The following SPSB3 variants were observed in gnomAD, a reference collection of about 807,000 sequenced individuals.
The protein encoded by SPSB3 is SPRY domain-containing SOCS box protein 3.
In SPSB3, 18 loss-of-function variants were observed where a neutral mutation model predicts 29.5. That is an observed-to-expected ratio of 0.61 (90% CI 0.42 to 0.91). The LOEUF (loss-of-function observed/expected upper bound fraction) is 0.91. Among genes scored for constraint, SPSB3 ranks in the 40% least tolerant of loss-of-function variants. The pLI is 0.00. For synonymous variants in SPSB3, 299 were observed against 214.1 expected (o/e 1.40, Z -3.46); for missense variants, 540 against 507.5 (o/e 1.06, Z -0.61).
rs1295121506 is a variant in SPSB3, at chr16:1,778,522, AGTCACAGAAGGACTCGCCG to A, written c.198_216del (p.Gly67ValfsTer38). ...AAGGAGGCCTCGCTCTGCCCAGCAC[AGTCACAGAAGGACTCGCCG>A]GTCACGGGCACCGCACTGGGGATGG... On this transcript the variant is annotated frameshift_variant, in exon 3 of 7. Transcript: ENST00000566339. LOFTEE classifies it high-confidence loss of function. The A allele has an allele frequency of 1.2e-6, 2 of 1,611,194 alleles. No homozygotes were observed. The highest frequency in any genetic ancestry group is 1.7e-6 in the Non-Finnish European group (2 of 1,178,874).
At position 1,776,978 on chromosome 16, in the gene SPSB3, T is replaced by C; in HGVS notation, c.*119A>G. 1 of 1,190,088 alleles carries C rather than the reference T, an allele frequency of 8.4e-7. No homozygotes were observed. 73.7% of individuals were successfully genotyped at this position (1,190,088 alleles called of 1,614,324 possible). On this transcript the variant is annotated 3_prime_UTR_variant, in exon 7 of 7. Transcript: ENST00000566339. ...GCCTCGGGAGCAAGAGATGGCTCCC[T>C]CCGGACGGGCCTCATCCAACTCCGC...
chr16:1,781,410 C>G lies in SPSB3; in HGVS notation c.74G>C (p.Arg25Pro). ...LSAARRDADA[R>P]AVALAGSTNW... ...AGTGGAGCCTGCTAGAGCCACGGCC[C>G]GGGCATCTGCGTCTCGGCGGGCTGC... The change falls in exon 2 of 7, where the codon CGG becomes CCG. Residue 25 changes from arginine to proline, a missense_variant. Coordinates refer to ENST00000566339, the MANE Select transcript of SPSB3 (RefSeq NM_080861.4). The G allele has an allele frequency of 1.9e-6, 3 of 1,612,840 alleles. No homozygotes were observed. The highest frequency in any genetic ancestry group is 2.5e-6 in the Non-Finnish European group (3 of 1,179,990).
At chr16:1,779,512 G>A (rs982711528) in intron 2 of SPSB3, 1 of 152,356 alleles carries the variant, frequency 6.6e-6, no homozygotes, top group Non-Finnish European at 1.5e-5. Context: ...TCGAAAGCCA[G>A]CTTCAGGGCA....
In SPSB3 at chr16:1,777,198, G is replaced by C; in HGVS notation, c.967C>G (p.Arg323Gly). Reference sequence around the variant, plus strand: ...GGATCGGACACTGGAGCCTTGCGGCGGCTGCAACTCATGCTCAGGACCCAG... The same window carrying C: ...GGATCGGACACTGGAGCCTTGCGGCCGCTGCAACTCATGCTCAGGACCCAG... ...LGWVLSMSCSRRKAPVSDPQA... is the reference protein window; with the variant it reads ...LGWVLSMSCSGRKAPVSDPQA... Residue 323 changes from arginine to glycine, a missense_variant, in exon 7 of 7, where the codon CGC becomes GGC. Transcript: ENST00000566339. 1.9e-6 allele frequency: 3 copies of C among 1,610,482 alleles called. No individual in the cohort carries two copies. The highest frequency in any genetic ancestry group is 1.7e-6 in the Non-Finnish European group (2 of 1,179,830).
chr16:1,776,908 C>G lies in SPSB3; in HGVS notation c.*189G>C. 1 of 673,048 alleles carries G rather than the reference C, an allele frequency of 1.5e-6. No homozygotes were observed. The highest frequency in any genetic ancestry group is 2.5e-6 in the Non-Finnish European group (1 of 408,116). The allele number at this position is 673,048 out of a possible 1,614,324, so 41.7% of individuals were successfully genotyped here. ...AGGGCAGCCGCTTCCCCACCCAGCA[C>G]AGCAGCAGAGGGGCCCTAGAGCCCC... On this transcript the variant is annotated 3_prime_UTR_variant, in exon 7 of 7. Coordinates refer to ENST00000566339, the MANE Select transcript of SPSB3 (RefSeq NM_080861.4).
In SPSB3 at chr16:1,777,121, C is replaced by G. The variant is rs560452511; in HGVS notation, c.1044G>C (p.Gln348His). The change falls in exon 7 of 7, where the codon CAG (glutamine) becomes CAC (histidine). Residue 348 changes from glutamine (Q) to histidine (H), a missense_variant. Gln to His is a conservative substitution (Grantham distance 24, BLOSUM62 0). Coordinates refer to ENST00000566339, the MANE Select transcript of SPSB3 (RefSeq NM_080861.4). The part of the protein sequence containing the change: ...HPSSREPRPC[Q>H]RKRCRRT ...GTCAGGTCCGGCGGCAGCGCTTCCT[C>G]TGGCAGGGCCGAGGCTCGCGACTGC... 2 of 1,611,622 alleles carry G rather than the reference C, an allele frequency of 1.2e-6. No individual in the cohort carries two copies. The highest frequency in any genetic ancestry group is 2.2e-5 in the East Asian group (1 of 44,872).
intron 2 of SPSB3, chr16:1,781,095 TG>T: frequency 7.6e-7 from 1 of 1,321,684 alleles, no homozygotes; most frequent in Non-Finnish European, 1.0e-6. Flanking sequence ...ATGCACCATG[TG>T]TTTCAGAGGA....
In SPSB3 at chr16:1,777,403, C is replaced by G; in HGVS notation, c.762G>C (p.Pro254=). Residue 254 remains proline (P), a synonymous_variant, in exon 7 of 7, where the codon CCG becomes CCC. Transcript: ENST00000566339. ...ATKLQNKRFY[P]MVCSTAARSS... is the part of the protein sequence containing the mutation. ...TCCGGGCCGCCGTGGAGCACACCAT[C>G]GGGTAGAATCTCTTGTTCTGCAGCT... 1 of 1,573,710 alleles carries G rather than the reference C, an allele frequency of 6.4e-7. No homozygotes were observed. The highest frequency in any genetic ancestry group is 8.6e-7 in the Non-Finnish European group (1 of 1,162,128).
Position 1,781,472 on chromosome 16 carries a change from G to C in SPSB3, c.12C>G (p.Arg4=). Residue 4 remains arginine (R), a synonymous_variant, in exon 2 of 7, where the codon CGC becomes CGG. Coordinates refer to ENST00000566339, the MANE Select transcript of SPSB3 (RefSeq NM_080861.4). MAR[R]PRNSRAWHFV... is the part of the protein sequence containing the mutation. ...AGTGCCAGGCCCTGCTGTTCCGGGGGCGTCTGGCCATGGTGGAAAGAATCT... is the reference window on the plus strand; with the variant it reads ...AGTGCCAGGCCCTGCTGTTCCGGGGCCGTCTGGCCATGGTGGAAAGAATCT... 6.2e-7 allele frequency: 1 copy of C among 1,612,518 alleles called. No individual in the cohort carries two copies. The highest frequency in any genetic ancestry group is 8.5e-7 in the Non-Finnish European group (1 of 1,179,864).
At position 1,777,784 on chromosome 16, in the gene SPSB3, G is replaced by A. The variant is rs778523436; in HGVS notation, c.684C>T (p.His228=). ...SIIGVHLDTW[H]GTLTFFKNRK... ...TGTTCTTGAAAAAGGTGAGTGTGCC[G>A]TGCCAGGTGTCCAGGTGCACGCCAA... is the stretch of plus-strand genomic sequence containing the variant. Residue 228 remains histidine, a synonymous_variant, in exon 6 of 7, where the codon CAC becomes CAT. Transcript: ENST00000566339. The A allele has an allele frequency of 4.4e-5, 71 of 1,612,686 alleles. No individual in the cohort carries two copies. In the Admixed American group the frequency reaches 8.0e-4, roughly 18 times the overall value.
intron 2 of SPSB3, chr16:1,781,111 G>A (rs1896690287): frequency 1.4e-6 from 2 of 1,411,114 alleles, no homozygotes; most frequent in Admixed American, 2.1e-5. Flanking sequence ...AGAGGAGAAA[G>A]CACAGTGAAG....
Position 1,776,819 on chromosome 16 carries a change from G to T in SPSB3, c.*278C>A. 1.9e-6 allele frequency: 1 copy of T among 515,904 alleles called. No individual in the cohort carries two copies. The highest frequency in any genetic ancestry group is 3.4e-6 in the Non-Finnish European group (1 of 291,260). 32.0% of individuals were successfully genotyped at this position (515,904 alleles called of 1,614,324 possible). On this transcript the variant is annotated 3_prime_UTR_variant, in exon 7 of 7. Coordinates refer to ENST00000566339, the MANE Select transcript of SPSB3 (RefSeq NM_080861.4). ...AGTTAGGAAAAACCGAGGCCCTGTG[G>T]GAACAGCAACGCGGGCTCCAGCCAG... is the stretch of plus-strand genomic sequence containing the variant.
chr16:1,777,930 C>T lies in SPSB3; in HGVS notation c.595+16G>A. Reference sequence around the variant, plus strand: ...AGCTCCAGGCTCGGCCCCGCCCCACCCTGGGCCTCACGCACCCGTGTAGGA... The same window carrying T: ...AGCTCCAGGCTCGGCCCCGCCCCACTCTGGGCCTCACGCACCCGTGTAGGA... On this transcript the variant is annotated intron_variant, in intron 5 of 6. Transcript: ENST00000566339. 1 of 1,612,474 alleles carries T rather than the reference C, an allele frequency of 6.2e-7. No homozygotes were observed. Among genetic ancestry groups the T allele is most frequent in the Non-Finnish European group, 8.5e-7 (1 of 1,179,860 alleles).
In SPSB3 at chr16:1,778,490, G is replaced by A; in HGVS notation, c.249C>T (p.Ser83=). ...CAGQSEASFC[S]SLHSAHRGRD... is the part of the protein sequence containing the mutation. ...TGCCCCGGTGGGCCGAGTGCAGGCTGCTACAGAAGGAGGCCTCGCTCTGCC... is the reference window on the plus strand; with the variant it reads ...TGCCCCGGTGGGCCGAGTGCAGGCTACTACAGAAGGAGGCCTCGCTCTGCC... The change falls in exon 3 of 7, where the codon AGC becomes AGT. Residue 83 remains serine (S), a synonymous_variant. Coordinates refer to ENST00000566339, the MANE Select transcript of SPSB3 (RefSeq NM_080861.4). The A allele has an allele frequency of 1.2e-6, 2 of 1,611,916 alleles. No homozygotes were observed. Among genetic ancestry groups the A allele is most frequent in the Non-Finnish European group, 1.7e-6 (2 of 1,179,586 alleles).
rs1255245686 is a variant in SPSB3 at position 1,777,295 on chromosome 16, T to C, written c.870A>G (p.Pro290=). The C allele has an allele frequency of 1.1e-5, 18 of 1,610,036 alleles. No homozygotes were observed. Among genetic ancestry groups the C allele is most frequent in the Non-Finnish European group, 1.4e-5 (16 of 1,179,772 alleles). The stretch of plus-strand genomic sequence containing the variant: ...GACCCTCCAGCGTGTCTCCCGAGTC[T>C]GGCCGCAGCTGGCGCAGGCGGTGGC... ...LCCHRLRQLR[P]DSGDTLEGLP... is the part of the protein sequence containing the mutation. Residue 290 remains proline (P), a synonymous_variant, in exon 7 of 7, where the codon CCA becomes CCG. Transcript: ENST00000566339.
chr16:1,780,199 C>G (rs1896665024), intron 2 of SPSB3: 1 of 152,306 alleles, frequency 6.6e-6, no homozygotes, highest in Non-Finnish European at 1.5e-5. Context: ...GGCCTGTGGA[C>G]ACGCCCGCGT....
Position 1,778,158 on chromosome 16 carries a change from G to C in SPSB3, c.468C>G (p.Thr156=). 6.2e-7 allele frequency: 1 copy of C among 1,612,720 alleles called. No homozygotes were observed. Among genetic ancestry groups the C allele is most frequent in the East Asian group, 2.2e-5 (1 of 44,876 alleles). Residue 156 remains threonine, a synonymous_variant, in exon 4 of 7, where the codon ACC becomes ACG. Transcript: ENST00000566339. ...CCATGTCGGTGCCGTAGACGGGAGA[G>C]GTCATCTTGATCTCCCAGAAGTGCT... ...EGQHFWEIKM[T]SPVYGTDMMV... is the part of the protein sequence containing the mutation.
Position 1,778,061 on chromosome 16 carries a change from G to T in SPSB3, c.493-13C>A. 1 of 1,613,128 alleles carries T rather than the reference G, an allele frequency of 6.2e-7. No individual in the cohort carries two copies. The highest frequency in any genetic ancestry group is 8.5e-7 in the Non-Finnish European group (1 of 1,179,988). On this transcript the variant is annotated splice_polypyrimidine_tract_variant and intron_variant, in intron 4 of 6. Coordinates refer to ENST00000566339, the MANE Select transcript of SPSB3 (RefSeq NM_080861.4). ...CGATGCCCACCATCTAGGAACAGGG[G>T]CCAGGCAGAGGGCGCGGGGCTGGGC...
At position 1,777,268 on chromosome 16, in the gene SPSB3, C is replaced by T; in HGVS notation, c.897G>A (p.Leu299=). The change falls in exon 7 of 7, where the codon CTG becomes CTA. Residue 299 remains leucine, a synonymous_variant. Coordinates refer to ENST00000566339, the MANE Select transcript of SPSB3 (RefSeq NM_080861.4). ...CCTGCTTGAGGCCCGGCGGCAGCGGCAGACCCTCCAGCGTGTCTCCCGAGT... is the reference window on the plus strand; with the variant it reads ...CCTGCTTGAGGCCCGGCGGCAGCGGTAGACCCTCCAGCGTGTCTCCCGAGT... ...RPDSGDTLEG[L]PLPPGLKQVL... The T allele has an allele frequency of 6.2e-7, 1 of 1,610,472 alleles. No homozygotes were observed.
Sources: gnomAD v4.1 joint callset for allele counts on GRCh38, gnomAD v4.1.1 for gene constraint, MANE v1.5 for transcripts, NCBI Gene and HGNC (gene_info 2026-07-23, HGNC 2026-07-21) for gene names.